Variants in RAB3IL1 observed in about 807,000 individuals in gnomAD.
The protein encoded by RAB3IL1 is RAB3A interacting protein like 1.
RAB3IL1 carries 37 observed loss-of-function variants against 49.2 expected under a neutral mutation model. The observed-to-expected ratio is 0.75, with a 90% confidence interval of 0.58 to 0.99. The LOEUF is 0.99. Ranked by LOEUF, RAB3IL1 falls within the 50% of genes least tolerant of loss-of-function variation. The probability of loss-of-function intolerance (pLI) is 0.00; values close to 1 mark genes in which losing one functional copy is unlikely to be tolerated. For missense variants in RAB3IL1, 484 were observed against 513.0 expected, an observed-to-expected ratio of 0.94 and a Z score of 0.55; for synonymous variants, 193 against 213.9, an observed-to-expected ratio of 0.90 and a Z score of 0.85.
chr11:61,898,811 C>T lies in RAB3IL1; in HGVS notation c.1067-451G>A, dbSNP rs1011435694. The T allele has an allele frequency of 6.4e-6, 3 of 468,608 alleles. No homozygotes were observed. The highest frequency in any genetic ancestry group is 1.3e-5 in the Non-Finnish European group (3 of 235,664). 29.0% of individuals were successfully genotyped at this position (468,608 alleles called of 1,614,324 possible). ...GGCCTTGGCCTCCAAGAGGACTTGACCCCCAGGATGGAGAGGAGATAGCTC... is the reference window on the plus strand; with the variant it reads ...GGCCTTGGCCTCCAAGAGGACTTGATCCCCAGGATGGAGAGGAGATAGCTC... On this transcript the variant is annotated intron_variant, in intron 9 of 9. Transcript: ENST00000394836. This position sits in a 1 kb window ranked among gnomAD's most constrained non-coding sequence, Gnocchi z 5.1.
Position 61,910,042 on chromosome 11 carries a change from ACT to A in RAB3IL1, c.12-1738_12-1737del, listed in dbSNP as rs551080812. 9.8e-4 allele frequency among the ~76,000 whole-genome samples: 149 copies of A among 151,966 alleles called. No homozygotes were observed. In the Middle Eastern group the frequency reaches 0.014, roughly 14 times the overall value. The stretch of plus-strand genomic sequence containing the variant: ...CTCAAAACAAACAAACAAACATAAA[ACT>A]CTCTCAACAGCACTCGTGGTATTGT... On this transcript the variant is annotated intron_variant, in intron 1 of 9. Transcript: ENST00000394836.
At position 61,898,508 on chromosome 11, in the gene RAB3IL1, G is replaced by T; in HGVS notation, c.1067-148C>A. ...CCAAAACAGATGACCTCAGTGAGTG[G>T]CTGGACCTCTCTGAGGCTCCACTCT... is the stretch of plus-strand genomic sequence containing the variant. On this transcript the variant is annotated intron_variant, in intron 9 of 9. Transcript: ENST00000394836. The surrounding 1 kb of genome is among the most constrained non-coding windows in gnomAD (Gnocchi z 5.1). 1 of 676,724 alleles carries T rather than the reference G, an allele frequency of 1.5e-6. No homozygotes were observed. The highest frequency in any genetic ancestry group is 2.6e-6 in the Non-Finnish European group (1 of 382,420). 41.9% of individuals were successfully genotyped at this position (676,724 alleles called of 1,614,324 possible).
upstream of RAB3IL1, chr11:61,917,621 G>A (rs1591241618): frequency 5.0e-6 from 5 of 1,004,816 alleles, no homozygotes; most frequent in Non-Finnish European, 6.0e-6. Flanking sequence ...CCCTCCGCCG[G>A]CCCGGCGCTG....
chr11:61,912,888 A>G (rs1392324976), intron 1 of RAB3IL1, among the ~76,000 whole-genome samples: 1 of 151,806 alleles, frequency 6.6e-6, no homozygotes, highest in Non-Finnish European at 1.5e-5. Flanking sequence ...GGAAGGGGGA[A>G]TTGTGGGAGG....
chr11:61,913,871 T>G (rs919086108), intron 1 of RAB3IL1, among the ~76,000 whole-genome samples: 1 of 152,184 alleles, frequency 6.6e-6, no homozygotes, highest in African/African-American at 2.4e-5. Flanking sequence ...GCATAAATCA[T>G]GTGCAGAGCT....
chr11:61,913,981 G>T (rs1202257078), intron 1 of RAB3IL1, among the ~76,000 whole-genome samples: 1 of 152,220 alleles, frequency 6.6e-6, no homozygotes, highest in Non-Finnish European at 1.5e-5. Flanking sequence ...CTGTTGAGGG[G>T]TAGAGTAGGC....
At chr11:61,926,315 C>T in the RAB3IL1 span, among the ~76,000 whole-genome samples, 1 of 152,102 alleles carries the variant, frequency 6.6e-6, no homozygotes, top group Non-Finnish European at 1.5e-5. Context: ...TATTAGTGAA[C>T]CAGACAGACA....
rs111459770 is a variant in RAB3IL1 at position 61,904,472 on chromosome 11, C to A, written c.899+74G>T. ...TCGGCGCTGCTGCATCCTGACCACC[C>A]CTCGGCACAGTAAACACACGGCTTG... On this transcript the variant is annotated intron_variant, in intron 7 of 9. Coordinates refer to ENST00000394836, the MANE Select transcript of RAB3IL1 (RefSeq NM_013401.4). The A allele has an allele frequency of 3.1e-5, 43 of 1,399,170 alleles. No individual in the cohort carries two copies. In the Admixed American group the frequency reaches 8.4e-4, roughly 27 times the overall value. 86.7% of individuals were successfully genotyped at this position (1,399,170 alleles called of 1,614,324 possible). A position where few individuals can be genotyped will look rare whatever the true frequency, so the allele number is the denominator to read the frequency against.
In RAB3IL1 at chr11:61,899,294, G is replaced by A. The variant is rs374264449; in HGVS notation, c.1066+20C>T. ...CACTCCCGTGTGCGATCCCTGCACCGGCCACCAGGGGGCGCTCACCGTCCT... is the reference window on the plus strand; with the variant it reads ...CACTCCCGTGTGCGATCCCTGCACCAGCCACCAGGGGGCGCTCACCGTCCT... On this transcript the variant is annotated intron_variant, in intron 9 of 9. Transcript: ENST00000394836. 1.3e-5 allele frequency: 21 copies of A among 1,600,260 alleles called. No individual in the cohort carries two copies. Among genetic ancestry groups the A allele is most frequent in the African/African-American group, 5.3e-5 (4 of 74,878 alleles).
intron 8 of RAB3IL1, chr11:61,899,830 C>CT (rs1180794723): frequency 5.8e-6 from 1 of 173,248 alleles, no homozygotes; most frequent in Non-Finnish European, 1.3e-5. Context: ...CAGTCCAGTG[C>CT]TACTGATAAC....
rs1037448788 is a variant in RAB3IL1, at chr11:61,906,145, G to C, written c.657+321C>G. ...CTTGGCCTCTTAAGGCCAAGGAAGT[G>C]TGTGTCTCAGTGGAGGCCCCAGATC... On this transcript the variant is annotated intron_variant, in intron 5 of 9. Coordinates refer to ENST00000394836, the MANE Select transcript of RAB3IL1 (RefSeq NM_013401.4). This position sits in a 1 kb window ranked among gnomAD's most constrained non-coding sequence, Gnocchi z 4.6. 6.6e-6 allele frequency among the ~76,000 whole-genome samples: 1 copy of C among 152,152 alleles called. No individual in the cohort carries two copies. The highest frequency in any genetic ancestry group is 1.5e-5 in the Non-Finnish European group (1 of 68,010).
upstream of RAB3IL1, among the ~76,000 whole-genome samples, chr11:61,920,735 C>A (rs1939884703): frequency 6.6e-6 from 1 of 152,180 alleles, no homozygotes; most frequent in African/African-American, 2.4e-5. Flanking sequence ...ACCAGCCTGA[C>A]CAACATGGTG....
chr11:61,934,653 G>C, the RAB3IL1 span, among the ~76,000 whole-genome samples: 1 of 151,226 alleles, frequency 6.6e-6, no homozygotes. Flanking sequence ...ACCTGAAGGG[G>C]TCCTAAATTC....
rs1272647292 is a variant in RAB3IL1 at position 61,906,276 on chromosome 11, G to A, written c.657+190C>T. Among the ~76,000 whole-genome samples, 1 of 152,170 alleles carries A rather than the reference G, an allele frequency of 6.6e-6. No homozygotes were observed. The highest frequency in any genetic ancestry group is 1.5e-5 in the Non-Finnish European group (1 of 68,022). On this transcript the variant is annotated intron_variant, in intron 5 of 9. Coordinates refer to ENST00000394836, the MANE Select transcript of RAB3IL1 (RefSeq NM_013401.4). This position sits in a 1 kb window ranked among gnomAD's most constrained non-coding sequence, Gnocchi z 4.6. ...CCCCAGATGGTATACCCTGGAGGCT[G>A]CAGGCCAAGTGCCTCAGATCACAGG...
chr11:61,897,900 C>A lies in RAB3IL1; in HGVS notation c.*378G>T. On this transcript the variant is annotated 3_prime_UTR_variant, in exon 10 of 10. Transcript: ENST00000394836. Reference sequence around the variant, plus strand: ...ACCCAGAACAGTCCCTTTCTGAAGACAAGCCAGCAACAAGGCACCTGCAGG... The same window carrying A: ...ACCCAGAACAGTCCCTTTCTGAAGAAAAGCCAGCAACAAGGCACCTGCAGG... 4.6e-6 allele frequency: 1 copy of A among 218,830 alleles called. No homozygotes were observed. Among genetic ancestry groups the A allele is most frequent in the Non-Finnish European group, 9.3e-6 (1 of 107,636 alleles). 13.6% of individuals were successfully genotyped at this position (218,830 alleles called of 1,614,324 possible).
At chr11:61,913,182 C>A (rs575659740) in intron 1 of RAB3IL1, among the ~76,000 whole-genome samples, 1 of 152,068 alleles carries the variant, frequency 6.6e-6, no homozygotes, top group East Asian at 1.9e-4. Flanking sequence ...TCAGGGAGGA[C>A]AAGGGCTTGA....
At chr11:61,899,703 A>C (rs1015961187) in intron 8 of RAB3IL1, 3 of 331,632 alleles carry the variant, frequency 9.0e-6, no homozygotes, top group East Asian at 6.4e-5. Context: ...GGCGGAGCTA[A>C]TGAACCAGCA....
Position 61,913,638 on chromosome 11 carries a change from G to C in RAB3IL1, c.11+3719C>G, listed in dbSNP as rs555276658. On this transcript the variant is annotated intron_variant, in intron 1 of 9. Coordinates refer to ENST00000394836, the MANE Select transcript of RAB3IL1 (RefSeq NM_013401.4). Reference sequence around the variant, plus strand: ...ACTACTCTTCTACAGGGCTGGGCACGCAGTACATCCTCAAATGCGCCTGTG... The same window carrying C: ...ACTACTCTTCTACAGGGCTGGGCACCCAGTACATCCTCAAATGCGCCTGTG... Among the ~76,000 whole-genome samples, 8 of 152,276 alleles carry C rather than the reference G, an allele frequency of 5.3e-5. No homozygotes were observed. The East Asian group carries it at 1.5e-3, about 29-fold the overall frequency.
At position 61,907,430 on chromosome 11, in the gene RAB3IL1, G is replaced by A. The variant is rs372993155; in HGVS notation, c.401C>T (p.Ala134Val). The part of the protein sequence containing the change: ...KMVREANMKQ[A>V]ASEKQLKEAR... Reference sequence around the variant, plus strand: ...CTCCTTCAGCTGCTTTTCTGATGCCGCCTGCTTCATGTTGGCTTCTCGAAC... The same window carrying A: ...CTCCTTCAGCTGCTTTTCTGATGCCACCTGCTTCATGTTGGCTTCTCGAAC... Residue 134 changes from alanine to valine, a missense_variant, in exon 4 of 10, where the codon GCG becomes GTG. By Grantham distance (64) the Ala-to-Val change is moderately conservative (BLOSUM62 0). Coordinates refer to ENST00000394836, the MANE Select transcript of RAB3IL1 (RefSeq NM_013401.4). 3.3e-5 allele frequency: 54 copies of A among 1,613,984 alleles called. No homozygotes were observed. The highest frequency in any genetic ancestry group is 4.5e-5 in the Non-Finnish European group (53 of 1,180,014).
Sources: gnomAD v4.1 joint callset for allele counts (sites outside exome capture counted in the v4.1 genomes callset) on GRCh38, gnomAD v4.1.1 for gene constraint, Gnocchi (gnomAD v3.1) non-coding constraint, MANE v1.5 for transcripts, NCBI Gene and HGNC (gene_info 2026-07-23, HGNC 2026-07-21) for gene names.